NFIC: variants seen among roughly 807,000 people sequenced by gnomAD.
NFIC encodes nuclear factor 1 C-type.
A neutral mutation model predicts 54.4 loss-of-function variants in NFIC; 12 were observed. The ratio of observed to expected loss-of-function variants is 0.22; its 90% CI spans 0.14 to 0.36. The LOEUF (loss-of-function observed/expected upper bound fraction) is 0.36, where lower values mean the gene tolerates loss of function less well. NFIC is among the 10% of genes least tolerant of loss of function. The pLI is 1.00. For missense variants in NFIC, 575 were observed against 718.2 expected, an observed-to-expected ratio of 0.80 and a Z score of 2.28; for synonymous variants, 322 against 319.2, an observed-to-expected ratio of 1.01 and a Z score of -0.09.
intron 2 of NFIC, among the ~76,000 whole-genome samples, chr19:3,410,181 C>T (rs2081731203): frequency 6.6e-6 from 1 of 152,150 alleles, no homozygotes; most frequent in Admixed American, 6.5e-5. Flanking sequence ...GCTGGGACTA[C>T]AGGCGCCTGC....
Position 3,453,668 on chromosome 19 carries a change from TCCGGGCCGTGCACAGAGC to T in NFIC, c.1270-93_1270-76del. ...CCTGGCCCCCCAGCCTGCCACCCCGTCCGGGCCGTGCACAGAGCCGGGGGCGGCCGGCGCCAGCAGCCC... is the reference window on the plus strand; with the variant it reads ...CCTGGCCCCCCAGCCTGCCACCCCGTCGGGGGCGGCCGGCGCCAGCAGCCC... On this transcript the variant is annotated intron_variant, in intron 8 of 10. Transcript: ENST00000443272. The surrounding 1 kb of genome is among the most constrained non-coding windows in gnomAD (Gnocchi z 6.7). 2 of 1,469,294 alleles carry T rather than the reference TCCGGGCCGTGCACAGAGC, an allele frequency of 1.4e-6. No homozygotes were observed. The highest frequency in any genetic ancestry group is 2.8e-5 in the South Asian group (2 of 72,338). The allele number at this position is 1,469,294 out of a possible 1,614,324, so 91.0% of individuals were successfully genotyped here. A position where few individuals can be genotyped will look rare whatever the true frequency, so the allele number is the denominator to read the frequency against.
At chr19:3,364,513 G>A (rs565460306), upstream of NFIC, among the ~76,000 whole-genome samples, 55 of 152,214 alleles carry the variant, frequency 3.6e-4, no homozygotes, top group Non-Finnish European at 6.9e-4. Flanking sequence ...ATAGGCTGCT[G>A]TTCGTACACT....
intron 7 of NFIC, among the ~76,000 whole-genome samples, chr19:3,450,890 T>C (rs2082452193): frequency 6.6e-6 from 1 of 152,138 alleles, no homozygotes; most frequent in Non-Finnish European, 1.5e-5. Flanking sequence ...CGAATAAAGT[T>C]TTATTGGCAA....
intron 3 of NFIC, among the ~76,000 whole-genome samples, chr19:3,432,639 C>A (rs1424818991): frequency 6.6e-6 from 1 of 150,878 alleles, no homozygotes; most frequent in African/African-American, 2.4e-5. Flanking sequence ...GGTGATGGAG[C>A]CGATGTGAGC....
chr19:3,401,179 G>A (rs2081549319), intron 2 of NFIC, among the ~76,000 whole-genome samples: 1 of 152,224 alleles, frequency 6.6e-6, no homozygotes, highest in Admixed American at 6.5e-5. Flanking sequence ...AGGGCAGTTT[G>A]TGCAAGGCCT....
At chr19:3,361,920 ACT>A (rs1378127180), upstream of NFIC, among the ~76,000 whole-genome samples, 2 of 152,102 alleles carry the variant, frequency 1.3e-5, no homozygotes, top group African/African-American at 4.8e-5. Flanking sequence ...CCACACAGAG[ACT>A]CACATAGACA....
chr19:3,436,488 T>G (rs537829955), intron 6 of NFIC, among the ~76,000 whole-genome samples: 53 of 142,860 alleles, frequency 3.7e-4, no homozygotes, highest in Non-Finnish European at 7.5e-4. Flanking sequence ...TTAATTTTTG[T>G]TTTTTGAGAT....
intron 3 of NFIC, 85 bp from the exon 4 acceptor site, chr19:3,433,433 C>A: frequency 6.9e-7 from 1 of 1,447,550 alleles, no homozygotes; most frequent in Non-Finnish European, 9.6e-7. Context: ...TCGGGCCAGC[C>A]CCCAGGAGTC....
At chr19:3,422,032 G>C (rs536870440) in intron 2 of NFIC, among the ~76,000 whole-genome samples, 1 of 152,086 alleles carries the variant, frequency 6.6e-6, no homozygotes, top group Non-Finnish European at 1.5e-5. Flanking sequence ...CGCCTCCGGG[G>C]TTCGAGCGAT....
chr19:3,453,835 G>C lies in NFIC; in HGVS notation c.1342G>C (p.Gly448Arg). 6.3e-7 allele frequency: 1 copy of C among 1,590,162 alleles called. No homozygotes were observed. The highest frequency in any genetic ancestry group is 1.8e-5 in the Admixed American group (1 of 56,614). ...SAQMLAPPPP[G>R]LPRLALPPAT... ...TCAGATGCTGGCACCTCCGCCCCCG[G>C]GGCTGCCACGGCTGGCGCTCCCCCC... The change falls in exon 9 of 11, where the codon GGG becomes CGG. Residue 448 changes from glycine to arginine, a missense_variant. Gly to Arg is a moderately radical substitution (Grantham distance 125). This residue lies in a region of NFIC where 447 missense variants were observed against 526.9 expected (regional missense o/e 0.85). Transcript: ENST00000443272. This position sits in a 1 kb window ranked among gnomAD's most constrained non-coding sequence, Gnocchi z 6.7.
At chr19:3,391,649 T>G (rs1366641845) in intron 2 of NFIC, among the ~76,000 whole-genome samples, 1 of 151,836 alleles carries the variant, frequency 6.6e-6, no homozygotes, top group Admixed American at 6.6e-5. Flanking sequence ...ATACAAAAAT[T>G]AGCCAGGCAT....
intron 6 of NFIC, among the ~76,000 whole-genome samples, chr19:3,436,328 T>A (rs28444144): frequency 4.0e-4 from 39 of 96,374 alleles, no homozygotes; most frequent in East Asian, 1.2e-3. Flanking sequence ...TTTTTTTTTT[T>A]TTTTTTTTTG....
At position 3,439,798 on chromosome 19, in the gene NFIC, C is replaced by T. The variant is rs184825689; in HGVS notation, c.958+4591C>T. 8.2e-3 allele frequency among the ~76,000 whole-genome samples: 1,233 copies of T among 150,212 alleles called. 19 individuals are homozygous for T. Among genetic ancestry groups the T allele is most frequent in the African/African-American group, 0.029 (1,182 of 40,852 alleles). Reference sequence around the variant, plus strand: ...CCGCCTCCCGGGTTCATGCCATTCTCCTGCCTCAGCCTCCCGAATAGCTGG... The same window carrying T: ...CCGCCTCCCGGGTTCATGCCATTCTTCTGCCTCAGCCTCCCGAATAGCTGG... On this transcript the variant is annotated intron_variant, in intron 6 of 10. Transcript: ENST00000443272.
Position 3,453,635 on chromosome 19 carries a change from A to G in NFIC, c.1270-128A>G. The G allele has an allele frequency of 1.5e-6, 2 of 1,290,716 alleles. No individual in the cohort carries two copies. Among genetic ancestry groups the G allele is most frequent in the South Asian group, 1.6e-5 (1 of 61,576 alleles). The allele number at this position is 1,290,716 out of a possible 1,614,324, so 80.0% of individuals were successfully genotyped here. A position where few individuals can be genotyped will look rare whatever the true frequency, so the allele number is the denominator to read the frequency against. ...GACCCACCAAACCCGCCATGGTCAC[A>G]CCCGCGCCCTGGCCCCCCAGCCTGC... On this transcript the variant is annotated intron_variant, in intron 8 of 10. Transcript: ENST00000443272. The surrounding 1 kb of genome is among the most constrained non-coding windows in gnomAD (Gnocchi z 6.7).
At chr19:3,392,587 C>T (rs1271871193) in intron 2 of NFIC, among the ~76,000 whole-genome samples, 1 of 152,204 alleles carries the variant, frequency 6.6e-6, no homozygotes, top group East Asian at 1.9e-4. Context: ...CTCCCAGAGC[C>T]AGTGGGAGGG....
At chr19:3,386,944 C>T (rs1568412662) in intron 2 of NFIC, among the ~76,000 whole-genome samples, 1 of 152,208 alleles carries the variant, frequency 6.6e-6, no homozygotes, top group Non-Finnish European at 1.5e-5. Context: ...CAGTGGTTGT[C>T]ACCCTGACAG....
At chr19:3,438,439 TTTTTTTTTTTC>T (rs2082240224) in intron 6 of NFIC, among the ~76,000 whole-genome samples, 1 of 149,788 alleles carries the variant, frequency 6.7e-6, no homozygotes, top group African/African-American at 2.5e-5. Flanking sequence ...CTTTTTTTTT[TTTTTTTTTTTC>T]TTTTTGAGAC....
intron 2 of NFIC, among the ~76,000 whole-genome samples, chr19:3,424,301 T>C (rs2081995101): frequency 6.6e-6 from 1 of 152,070 alleles, no homozygotes; most frequent in Non-Finnish European, 1.5e-5. Flanking sequence ...GTGCTGGGAT[T>C]ACAGGTGTGA....
At chr19:3,376,128 C>A (rs1375748302) in intron 1 of NFIC, among the ~76,000 whole-genome samples, 1 of 152,090 alleles carries the variant, frequency 6.6e-6, no homozygotes. Flanking sequence ...AGATTGTCTG[C>A]AATCAAAATG....
Sources: gnomAD v4.1 joint callset for allele counts (sites outside exome capture counted in the v4.1 genomes callset) on GRCh38, gnomAD v4.1.1 for gene constraint, gnomAD v4.1.1 regional missense constraint, Gnocchi (gnomAD v3.1) non-coding constraint, MANE v1.5 for transcripts, NCBI Gene and HGNC (gene_info 2026-07-23, HGNC 2026-07-21) for gene names.